The following PCDHA11 variants were observed in gnomAD, a reference collection of about 807,000 sequenced individuals.
PCDHA11 encodes protocadherin alpha 11.
Under a neutral mutation model 70.3 loss-of-function variants are expected in PCDHA11, and 61 were observed. The observed-to-expected ratio is 0.87, with a 90% CI of 0.71 to 1.07. The LOEUF (loss-of-function observed/expected upper bound fraction) is 1.07, where lower values mean the gene tolerates loss of function less well. Ranked by LOEUF, PCDHA11 falls within the 50% of genes least tolerant of loss-of-function variation. The pLI, the probability that PCDHA11 is intolerant of heterozygous loss-of-function variation, is 0.00. For missense variants in PCDHA11, 1,324 were observed against 1,237.5 expected, an observed-to-expected ratio of 1.07 and a Z score of -1.05; for synonymous variants, 633 against 555.1, an observed-to-expected ratio of 1.14 and a Z score of -1.97.
chr5:140,884,702 T>C (rs1362804646), intron 1 of PCDHA11: 7 of 1,495,380 alleles, frequency 4.7e-6, no homozygotes, highest in East Asian at 4.7e-5. Context: ...GTAAACACTT[T>C]AGCCTTCCTT....
At chr5:140,882,588 A>T in intron 1 of PCDHA11, 7 of 1,614,186 alleles carry the variant, frequency 4.3e-6, no homozygotes, top group Non-Finnish European at 5.1e-6. Context: ...ATCCACCTGG[A>T]GGTGATCGTG....
chr5:140,874,093 TG>T, intron 1 of PCDHA11, among the ~76,000 whole-genome samples: 2 of 152,364 alleles, frequency 1.3e-5, no homozygotes, highest in Middle Eastern at 6.8e-3. Context: ...AATTCAAATA[TG>T]TTTTTAATTA....
intron 1 of PCDHA11, among the ~76,000 whole-genome samples, chr5:140,897,430 C>A (rs1297820601): frequency 6.7e-6 from 1 of 148,618 alleles, no homozygotes; most frequent in East Asian, 2.0e-4. Flanking sequence ...TGAGTGAGAA[C>A]ATGCAGTGTT....
intron 1 of PCDHA11, among the ~76,000 whole-genome samples, chr5:140,956,900 A>C (rs1004581720): frequency 6.6e-6 from 1 of 152,240 alleles, no homozygotes; most frequent in East Asian, 1.9e-4. Context: ...GAATATTCTT[A>C]AATGTATAAA....
intron 3 of PCDHA11, 123 bp from the exon 4 acceptor site, chr5:141,009,504 A>G: frequency 1.3e-6 from 2 of 1,497,074 alleles, no homozygotes; most frequent in Non-Finnish European, 1.8e-6. Flanking sequence ...ACTTGAACAA[A>G]CAACTCGTGA....
chr5:140,889,103 T>C (rs1554183781), intron 1 of PCDHA11, among the ~76,000 whole-genome samples: 2 of 151,990 alleles, frequency 1.3e-5, no homozygotes. Flanking sequence ...TTTTTTCATC[T>C]TTATTCCAGG....
intron 1 of PCDHA11, among the ~76,000 whole-genome samples, chr5:140,945,003 C>A (rs2093723763): frequency 6.6e-6 from 1 of 152,064 alleles, no homozygotes; most frequent in South Asian, 2.1e-4. Flanking sequence ...GGTTGTGGGT[C>A]ATGAATTATT....
intron 1 of PCDHA11, chr5:140,884,559 C>A (rs782174598): frequency 6.2e-7 from 1 of 1,614,094 alleles, no homozygotes; most frequent in South Asian, 1.1e-5. Flanking sequence ...GGGGAGGGCC[C>A]GCATAAGACG....
At chr5:140,912,767 G>A (rs1388605585) in intron 1 of PCDHA11, among the ~76,000 whole-genome samples, 2 of 152,064 alleles carry the variant, frequency 1.3e-5, no homozygotes, top group African/African-American at 4.8e-5. Context: ...TTATTACTTT[G>A]AGGTATGTCC....
intron 1 of PCDHA11, chr5:140,875,549 T>G: frequency 1.2e-6 from 2 of 1,613,916 alleles, no homozygotes; most frequent in Non-Finnish European, 1.7e-6. Flanking sequence ...GCCTGGGAGG[T>G]GGGGAGCGGC....
Position 140,871,328 on chromosome 5 carries a change from G to C in PCDHA11, c.2225G>C (p.Arg742Pro). Residue 742 changes from arginine (R) to proline (P), a missense_variant, in exon 1 of 4, where the codon CGC becomes CCC. By Grantham distance (103) the Arg-to-Pro change is moderately radical (BLOSUM62 -2). Transcript: ENST00000398640. ...APGKPTLVCS[R>P]AVGSWSYSQQ... is the part of the protein sequence containing the mutation. Reference sequence around the variant, plus strand: ...GGGAAGCCCACGCTGGTGTGCTCCCGCGCGGTGGGGAGCTGGTCATACTCG... The same window carrying C: ...GGGAAGCCCACGCTGGTGTGCTCCCCCGCGGTGGGGAGCTGGTCATACTCG... 1.9e-6 allele frequency: 3 copies of C among 1,614,128 alleles called. No homozygotes were observed. The highest frequency in any genetic ancestry group is 2.5e-6 in the Non-Finnish European group (3 of 1,180,024).
rs782568724 is a variant in PCDHA11, at chr5:140,927,659, A to C, written c.2392-51290A>C. Reference sequence around the variant, plus strand: ...AATGGGACTGTGTTATTCCGAGTTCAAGCCTTGGATCCAGATGAAGGGTCC... The same window carrying C: ...AATGGGACTGTGTTATTCCGAGTTCCAGCCTTGGATCCAGATGAAGGGTCC... On this transcript the variant is annotated intron_variant, in intron 1 of 3. Coordinates refer to ENST00000398640, the MANE Select transcript of PCDHA11 (RefSeq NM_018902.5). 4 of 1,614,108 alleles carry C rather than the reference A, an allele frequency of 2.5e-6. No homozygotes were observed. In the East Asian group the frequency reaches 6.7e-5, roughly 27 times the overall value.
In PCDHA11 at chr5:140,869,589, T is replaced by A; in HGVS notation, c.486T>A (p.Ile162=). The A allele has an allele frequency of 6.2e-7, 1 of 1,614,120 alleles. No individual in the cohort carries two copies. The change falls in exon 1 of 4, where the codon ATT becomes ATA. Residue 162 remains isoleucine, a synonymous_variant. Coordinates refer to ENST00000398640, the MANE Select transcript of PCDHA11 (RefSeq NM_018902.5). ...TAGAGGGAGCTTCTGATGCTGACAT[T>A]GAAGAGAATGCTCTATTGACCTACA... The part of the protein sequence containing the change: ...FPLEGASDAD[I]EENALLTYRL...
At chr5:141,001,985 GAAGTTC>G in intron 3 of PCDHA11, among the ~76,000 whole-genome samples, 1 of 152,312 alleles carries the variant, frequency 6.6e-6, no homozygotes, top group Admixed American at 6.5e-5. Context: ...GGAAAGCCTG[GAAGTTC>G]ACTTGCAAAC....
In PCDHA11 at chr5:140,996,437, G is replaced by A. The variant is rs1013018828; in HGVS notation, c.2540-13190G>A. On this transcript the variant is annotated intron_variant, in intron 3 of 3. Coordinates refer to ENST00000398640, the MANE Select transcript of PCDHA11 (RefSeq NM_018902.5). Reference sequence around the variant, plus strand: ...AGTGTGAAAACTTTGGGAATAGTCAGTGTCAAGTTGTGGTGCTAAGGGAGG... The same window carrying A: ...AGTGTGAAAACTTTGGGAATAGTCAATGTCAAGTTGTGGTGCTAAGGGAGG... Among the ~76,000 whole-genome samples the A allele has an allele frequency of 4.6e-5, 7 of 152,224 alleles. 1 individual carries two copies. The highest frequency in any genetic ancestry group is 2.6e-4 in the Admixed American group (4 of 15,280).
intron 1 of PCDHA11, among the ~76,000 whole-genome samples, chr5:140,912,893 T>C (rs1346036777): frequency 6.6e-6 from 1 of 152,262 alleles, no homozygotes; most frequent in East Asian, 1.9e-4. Context: ...TCTGTTGATA[T>C]GATGTATCAT....
At chr5:140,965,403 T>G (rs1241477329) in intron 1 of PCDHA11, among the ~76,000 whole-genome samples, 1 of 151,946 alleles carries the variant, frequency 6.6e-6, no homozygotes, top group Admixed American at 6.6e-5. Flanking sequence ...GTCTAAGGAG[T>G]CTTATATTTA....
rs782153529 is a variant in PCDHA11, at chr5:140,871,456, G to T, written c.2353G>T (p.Gly785Trp). 3.1e-6 allele frequency: 5 copies of T among 1,607,166 alleles called. No homozygotes were observed. The South Asian group carries it at 4.4e-5, about 14-fold the overall frequency. The change falls in exon 1 of 4, where the codon GGG (glycine) becomes TGG (tryptophan). Residue 785 changes from glycine to tryptophan, a missense_variant. Coordinates refer to ENST00000398640, the MANE Select transcript of PCDHA11 (RefSeq NM_018902.5). ...TCTAGGTCTGAATAAAGAGGAGGAA[G>T]GGGAAAGACAGGAGCCAGGGTCAAA... The part of the protein sequence containing the change: ...LPLGLNKEEE[G>W]ERQEPGSNHP...
intron 1 of PCDHA11, among the ~76,000 whole-genome samples, chr5:140,905,708 C>T (rs1372981287): frequency 1.1e-4 from 16 of 152,092 alleles, no homozygotes; most frequent in Non-Finnish European, 1.6e-4. Context: ...TTATGATTTC[C>T]TTCAGCAGTG....
Sources: gnomAD v4.1 joint callset for allele counts (sites outside exome capture counted in the v4.1 genomes callset) on GRCh38, gnomAD v4.1.1 for gene constraint, MANE v1.5 for transcripts, NCBI Gene and HGNC (gene_info 2026-07-23, HGNC 2026-07-21) for gene names.